LAMA3: variants seen among roughly 807,000 people sequenced by gnomAD.
The protein encoded by LAMA3 is laminin subunit alpha-3.
Under a neutral mutation model 402.0 loss-of-function variants are expected in LAMA3, and 281 were observed. The observed-to-expected ratio is 0.70, with a 90% CI of 0.63 to 0.77. The LOEUF (loss-of-function observed/expected upper bound fraction) is 0.77. Among genes scored for constraint, LAMA3 ranks in the 30% least tolerant of loss-of-function variants. The pLI is 0.00. For synonymous variants in LAMA3, 1,431 were observed against 1,558.4 expected, an observed-to-expected ratio of 0.92 and a Z score of 1.93; for missense variants, 3,840 against 4,215.5, an observed-to-expected ratio of 0.91 and a Z score of 2.47.
chr18:23,895,229 C>T (rs946623795), intron 44 of LAMA3, among the ~76,000 whole-genome samples, 171 bp downstream of exon 44: 2 of 152,222 alleles, frequency 1.3e-5, no homozygotes, highest in African/African-American at 4.8e-5. Context: ...TTTTTGTGAA[C>T]ACACAAAACT....
At chr18:23,830,317 T>G (rs1471187289) in intron 23 of LAMA3, among the ~76,000 whole-genome samples, 3 of 152,054 alleles carry the variant, frequency 2.0e-5, no homozygotes, top group Non-Finnish European at 4.4e-5. Context: ...CTCCTCTCTC[T>G]CCCTCAGCTC....
intron 1 of LAMA3, among the ~76,000 whole-genome samples, chr18:23,705,832 A>G (rs1279801561): frequency 1.3e-5 from 2 of 152,112 alleles, no homozygotes; most frequent in Non-Finnish European, 2.9e-5. Context: ...TATGTATTTT[A>G]AATAGTAATA....
chr18:23,909,648 A>G (rs1254705643), intron 55 of LAMA3, among the ~76,000 whole-genome samples: 2 of 152,162 alleles, frequency 1.3e-5, no homozygotes, highest in Non-Finnish European at 2.9e-5. Context: ...CACAGGACCT[A>G]CCCTCCTATT....
At chr18:23,773,714 G>T in intron 9 of LAMA3, 127 bp downstream of exon 9, 1 of 707,568 alleles carries the variant, frequency 1.4e-6, no homozygotes. Context: ...AGTTGTGCTC[G>T]CTATGTGACC....
rs747793981 is a variant in LAMA3, at chr18:23,928,737, G to A, written c.8408G>A (p.Ser2803Asn). 2 of 1,614,014 alleles carry A rather than the reference G, an allele frequency of 1.2e-6. No individual in the cohort carries two copies. The highest frequency in any genetic ancestry group is 1.7e-6 in the Non-Finnish European group (2 of 1,179,896). Residue 2803 changes from serine (S) to asparagine (N), a missense_variant, in exon 64 of 75, where the codon AGT (serine) becomes AAT (asparagine). By Grantham distance (46) the Ser-to-Asn change is conservative (BLOSUM62 1). Coordinates refer to ENST00000313654, the MANE Select transcript of LAMA3 (RefSeq NM_198129.4). ...ASFGFQTFQPSGILLDHQTWT... is the reference protein window; with the variant it reads ...ASFGFQTFQPNGILLDHQTWT... ...TTTGGATTTCAGACCTTTCAACCCA[G>A]TGGCATATTATTAGATCATCAGACA...
At position 23,915,301 on chromosome 18, in the gene LAMA3, C is replaced by CT. The variant is rs1212999117; in HGVS notation, c.7658dup (p.Ser2554LysfsTer10). On this transcript the variant is annotated frameshift_variant, in exon 59 of 75. Coordinates refer to ENST00000313654, the MANE Select transcript of LAMA3 (RefSeq NM_198129.4). LOFTEE classifies it high-confidence loss of function. ...ATTTCATTTTCAGCTTCCCAGTCGACTAAGTTTCCCTCCATACAAAGGTTG... is the reference window on the plus strand; with the variant it reads ...ATTTCATTTTCAGCTTCCCAGTCGACTTAAGTTTCCCTCCATACAAAGGTTG... 6.2e-7 allele frequency: 1 copy of CT among 1,613,678 alleles called. No individual in the cohort carries two copies. The highest frequency in any genetic ancestry group is 1.3e-5 in the African/African-American group (1 of 74,930).
At chr18:23,821,211 G>A (rs1432230010) in intron 19 of LAMA3, among the ~76,000 whole-genome samples, 1 of 152,210 alleles carries the variant, frequency 6.6e-6, no homozygotes, top group African/African-American at 2.4e-5. Flanking sequence ...AGAGGACCTT[G>A]ATGGTGTCCC....
chr18:23,747,593 TTAG>T (rs1172966910), intron 2 of LAMA3, among the ~76,000 whole-genome samples: 1 of 152,168 alleles, frequency 6.6e-6, no homozygotes, highest in African/African-American at 2.4e-5. Flanking sequence ...CTGGGAGGGT[TTAG>T]CACGTAATGA....
At chr18:23,872,658 A>T (rs980680666) in intron 38 of LAMA3, among the ~76,000 whole-genome samples, 2 of 152,142 alleles carry the variant, frequency 1.3e-5, no homozygotes, top group African/African-American at 4.8e-5. Flanking sequence ...GGTTGCCTAC[A>T]TTCTTCCCCT....
chr18:23,742,650 A>ATTG (rs2061582755), intron 2 of LAMA3, among the ~76,000 whole-genome samples: 1 of 147,938 alleles, frequency 6.8e-6, no homozygotes, highest in Non-Finnish European at 1.5e-5. Flanking sequence ...AGAATCAAAA[A>ATTG]TGTGTGTGTG....
At chr18:23,836,722 G>A (rs2063588359) in intron 24 of LAMA3, among the ~76,000 whole-genome samples, 1 of 152,172 alleles carries the variant, frequency 6.6e-6, no homozygotes, top group South Asian at 2.1e-4. Flanking sequence ...ACTAAACCTA[G>A]TACTTCATCA....
intron 1 of LAMA3, among the ~76,000 whole-genome samples, chr18:23,711,041 T>G (rs1346172952): frequency 2.0e-5 from 3 of 152,190 alleles, no homozygotes; most frequent in African/African-American, 7.2e-5. Context: ...AACCATCATC[T>G]AGGGCATTAC....
chr18:23,922,785 C>T (rs114870887), intron 62 of LAMA3, among the ~76,000 whole-genome samples: 458 of 152,236 alleles, frequency 3.0e-3, no homozygotes, highest in African/African-American at 0.01. Context: ...GTAGTTTTTT[C>T]GAGTACTTTT....
At chr18:23,724,229 A>G (rs2145963961) in intron 2 of LAMA3, among the ~76,000 whole-genome samples, 1 of 152,342 alleles carries the variant, frequency 6.6e-6, no homozygotes, top group Admixed American at 6.5e-5. Flanking sequence ...TTTATGGCTG[A>G]GTAATAGTCA....
chr18:23,870,312 A>C (rs576413465), intron 37 of LAMA3, among the ~76,000 whole-genome samples: 7 of 152,162 alleles, frequency 4.6e-5, no homozygotes, highest in South Asian at 2.1e-4. Context: ...CAAAAAAAAA[A>C]CAAAAATTAC....
chr18:23,910,544 T>A (rs1462236015), intron 55 of LAMA3, among the ~76,000 whole-genome samples: 2 of 152,192 alleles, frequency 1.3e-5, no homozygotes, highest in African/African-American at 2.4e-5. Flanking sequence ...CCACTGCAGG[T>A]TGTTTCTTAG....
At chr18:23,711,301 C>T (rs1451234677) in intron 1 of LAMA3, among the ~76,000 whole-genome samples, 8 of 152,122 alleles carry the variant, frequency 5.3e-5, no homozygotes, top group Non-Finnish European at 8.8e-5. Flanking sequence ...ATTGCTCAGA[C>T]TTGAAATATA....
chr18:23,876,226 T>G, intron 38 of LAMA3, 68 bp from the exon 39 acceptor site: 1 of 979,196 alleles, frequency 1.0e-6, no homozygotes, highest in Non-Finnish European at 1.6e-6. Context: ...CAGTGAGAGG[T>G]GTCACATGCT....
intron 51 of LAMA3, 134 bp from the exon 52 acceptor site, chr18:23,905,388 A>T: frequency 1.6e-6 from 1 of 613,848 alleles, no homozygotes; most frequent in Middle Eastern, 4.5e-4. Context: ...CTTTTAGGGA[A>T]CAATCTAGTT....
Sources: gnomAD v4.1 joint callset for allele counts (sites outside exome capture counted in the v4.1 genomes callset) on GRCh38, gnomAD v4.1.1 for gene constraint, MANE v1.5 for transcripts, NCBI Gene and HGNC (gene_info 2026-07-23, HGNC 2026-07-21) for gene names.